The following MYO15B variants were observed in gnomAD, a reference collection of about 807,000 sequenced individuals.
MYO15B encodes the protein myosin XVB pseudogene.
A neutral mutation model predicts 119.3 loss-of-function variants in MYO15B; 207 were observed. The observed-to-expected ratio is 1.73, with a 90% CI of 1.55 to 1.95. The LOEUF (loss-of-function observed/expected upper bound fraction) is 1.95, where lower values mean the gene tolerates loss of function less well. Among genes scored for constraint, MYO15B ranks in the 30% most tolerant of loss-of-function variants. MYO15B has a pLI of 0.00. For missense variants in MYO15B, 2,264 were observed against 1,203.1 expected, an observed-to-expected ratio of 1.88 and a Z score of -13.04; for synonymous variants, 966 against 498.9, an observed-to-expected ratio of 1.94 and a Z score of -12.48.
chr17:75,623,837 C>T (rs922693094), exon 54 of MYO15B: 1 of 698,328 alleles, frequency 1.4e-6, no homozygotes, highest in South Asian at 1.5e-5. Context: ...TCAAGCAGGT[C>T]ACGGGACACC....
chr17:75,594,723 C>T (rs1467036294), exon 11 of MYO15B: 3 of 702,950 alleles, frequency 4.3e-6, no homozygotes, highest in South Asian at 3.0e-5. Flanking sequence ...GGCCAGGTCT[C>T]GCGATCCCTG....
chr17:75,619,713 C>T lies in MYO15B; in HGVS notation c.7215C>T (p.Ala2405=), dbSNP rs116415806. The change falls in exon 46 of 64, where the codon GCC becomes GCT. Residue 2405 remains alanine, a synonymous_variant. Transcript: ENST00000645453. ...GTGGCAGCGACGTGCAGCTGTTAGC[C>T]GTGTCCCACCGTGGGCTGCGACTGC... is the stretch of plus-strand genomic sequence containing the variant. 5.5e-3 allele frequency: 3,901 copies of T among 702,892 alleles called. 55 individuals carry two copies. Among genetic ancestry groups the T allele is most frequent in the African/African-American group, 0.042 (2,438 of 57,368 alleles). 43.5% of individuals were successfully genotyped at this position (702,892 alleles called of 1,614,324 possible).
chr17:75,617,063 T>C (rs1198473811), intron 40 of MYO15B, 22 bp from the exon 41 acceptor site: 3 of 686,570 alleles, frequency 4.4e-6, no homozygotes, highest in Middle Eastern at 2.3e-4. Flanking sequence ...TCAGCCCGTG[T>C]ACTTTCTCCG....
chr17:75,594,630 A>G (rs1312709790), intron 10 of MYO15B, 42 bp downstream of exon 10: 6 of 695,702 alleles, frequency 8.6e-6, no homozygotes, highest in African/African-American at 1.7e-5. Context: ...GGCCTGGCTG[A>G]CCCACAGGCT....
intron 21 of MYO15B, 39 bp downstream of exon 21, chr17:75,606,060 T>C (rs1179111559): frequency 1.5e-6 from 1 of 649,988 alleles, no homozygotes. Context: ...GTGGGTGGGG[T>C]GAGGCCGTGG....
At chr17:75,620,666 G>C (rs2058654852) in intron 49 of MYO15B, 30 bp downstream of exon 49, 1 of 693,768 alleles carries the variant, frequency 1.4e-6, no homozygotes, top group Non-Finnish European at 2.6e-6. Flanking sequence ...GACAAGCAGA[G>C]GCAAGGCCTG....
At chr17:75,621,150 G>A (rs750045385) in exon 50 of MYO15B, 35 of 700,124 alleles carry the variant, frequency 5.0e-5, no homozygotes, top group Non-Finnish European at 7.0e-5. Flanking sequence ...AATTCGCCCG[G>A]CGTTACTTCC....
At chr17:75,594,275 C>A (rs532172948) in intron 9 of MYO15B, among the ~76,000 whole-genome samples, 200 bp from the exon 10 acceptor site, 6 of 152,238 alleles carry the variant, frequency 3.9e-5, no homozygotes, top group African/African-American at 9.6e-5. Context: ...CAGAACTGTC[C>A]GCCAGCAAAG....
At chr17:75,595,005 G>A in intron 12 of MYO15B, 33 bp downstream of exon 12, 2 of 701,412 alleles carry the variant, frequency 2.9e-6, no homozygotes, top group Non-Finnish European at 5.2e-6. Context: ...AGGAAAGGGG[G>A]CACCCATATA....
chr17:75,623,029 G>T (rs1024501357), intron 53 of MYO15B, among the ~76,000 whole-genome samples: 2 of 145,194 alleles, frequency 1.4e-5, no homozygotes, highest in Admixed American at 6.8e-5. Context: ...GCAGAGATGA[G>T]TAAGAGATCA....
exon 30 of MYO15B, chr17:75,614,335 A>C (rs1272560669): frequency 2.8e-6 from 2 of 702,634 alleles, no homozygotes; most frequent in African/African-American, 3.5e-5. Context: ...TCGCCCCCGC[A>C]GCTACCCCAT....
chr17:75,614,127 T>C (rs2058209325), intron 29 of MYO15B, 72 bp from the exon 30 acceptor site: 1 of 663,842 alleles, frequency 1.5e-6, no homozygotes, highest in Non-Finnish European at 2.8e-6. Context: ...CCCTGCCCCC[T>C]TGGCCCACCC....
chr17:75,616,775 C>T lies in MYO15B; in HGVS notation c.6496C>T (p.Gln2166Ter). 1 of 703,046 alleles carries T rather than the reference C, an allele frequency of 1.4e-6. No individual in the cohort carries two copies. Among genetic ancestry groups the T allele is most frequent in the South Asian group, 1.5e-5 (1 of 67,606 alleles). The allele number at this position is 703,046 out of a possible 1,614,324, so 43.6% of individuals were successfully genotyped here. The stretch of plus-strand genomic sequence containing the variant: ...CCCGGGCCCCGTGCCTGTGCCCGTG[C>T]AGCCATCCAGGTGGGCCCCCACGGG... Residue 2166 changes from glutamine (Q) to a stop codon, truncating the protein, a stop_gained, in exon 39 of 64, where the codon CAG (glutamine) becomes TAG (stop). Coordinates refer to ENST00000645453, the Ensembl canonical transcript of MYO15B. LOFTEE classifies it high-confidence loss of function.
exon 1 of MYO15B, chr17:75,590,025 C>G: frequency 2.5e-6 from 1 of 398,914 alleles, no homozygotes; most frequent in Non-Finnish European, 4.4e-6. Flanking sequence ...TGCTGCTACC[C>G]CGACTCTCCT....
chr17:75,604,877 G>C (rs929150159), intron 19 of MYO15B, among the ~76,000 whole-genome samples: 1 of 152,152 alleles, frequency 6.6e-6, no homozygotes, highest in Non-Finnish European at 1.5e-5. Context: ...AGTGGCTCAC[G>C]CCTGTAATCC....
At chr17:75,602,416 G>A in intron 15 of MYO15B, 101 bp from the exon 16 acceptor site, 1 of 702,028 alleles carries the variant, frequency 1.4e-6, no homozygotes, top group Non-Finnish European at 2.6e-6. Context: ...GGTCACCTGG[G>A]GAGAGGGTAG....
At chr17:75,614,602 G>T (rs1377528265) in exon 31 of MYO15B, 9 of 700,932 alleles carry the variant, frequency 1.3e-5, no homozygotes, top group Non-Finnish European at 2.3e-5. Flanking sequence ...CATTCCCCTT[G>T]CCCCTGGCAT....
intron 12 of MYO15B, among the ~76,000 whole-genome samples, chr17:75,595,545 C>A (rs1415481963): frequency 6.6e-6 from 1 of 152,200 alleles, no homozygotes; most frequent in Admixed American, 6.5e-5. Flanking sequence ...AAACAGAATT[C>A]CCAGCAGGAC....
intron 15 of MYO15B, among the ~76,000 whole-genome samples, chr17:75,602,148 C>T (rs1222408083): frequency 6.6e-6 from 1 of 152,180 alleles, no homozygotes; most frequent in East Asian, 1.9e-4. Context: ...AGAAAAACTA[C>T]AAACTACCCA....
Sources: gnomAD v4.1 joint callset for allele counts (sites outside exome capture counted in the v4.1 genomes callset) on GRCh38, gnomAD v4.1.1 for gene constraint, MANE v1.5 for transcripts, NCBI Gene and HGNC (gene_info 2026-07-23, HGNC 2026-07-21) for gene names.